ZNF385D: variants seen among roughly 807,000 people sequenced by gnomAD.
ZNF385D encodes zinc finger protein 385D.
Under a neutral mutation model 35.8 loss-of-function variants are expected in ZNF385D, and 15 were observed. That is an observed-to-expected ratio of 0.42 (90% CI 0.28 to 0.64). The LOEUF (loss-of-function observed/expected upper bound fraction) is 0.64, where lower values mean the gene tolerates loss of function less well. Among genes scored for constraint, ZNF385D ranks in the 30% least tolerant of loss-of-function variants. ZNF385D has a pLI of 0.23. For missense variants in ZNF385D, 474 were observed against 494.6 expected (o/e 0.96, Z 0.39); for synonymous variants, 212 against 186.8 (o/e 1.13, Z -1.10).
intron 3 of ZNF385D, among the ~76,000 whole-genome samples, chr3:22,032,628 G>C (rs1387661620): frequency 6.6e-6 from 1 of 152,094 alleles, no homozygotes; most frequent in African/African-American, 2.4e-5. Context: ...TTAGCGCTAA[G>C]GTTAACATAG....
At chr3:22,164,076 G>T (rs570718560) in intron 3 of ZNF385D, among the ~76,000 whole-genome samples, 8 of 152,226 alleles carry the variant, frequency 5.3e-5, no homozygotes, top group Admixed American at 2.0e-4. Context: ...GGATATGGGG[G>T]ATAGGTAAAA....
At chr3:21,739,338 C>A (rs988361829) in intron 1 of ZNF385D, among the ~76,000 whole-genome samples, 11 of 152,178 alleles carry the variant, frequency 7.2e-5, no homozygotes, top group African/African-American at 2.7e-4. Context: ...TCTCCACGGA[C>A]ATTTTTAATG....
chr3:22,305,382 G>A (rs983712215), intron 2 of ZNF385D, among the ~76,000 whole-genome samples: 10 of 151,914 alleles, frequency 6.6e-5, no homozygotes, highest in African/African-American at 2.4e-4. Context: ...TAGTTCTTGG[G>A]ATTACTAACT....
intron 3 of ZNF385D, among the ~76,000 whole-genome samples, chr3:22,077,484 G>A (rs1288460179): frequency 6.6e-6 from 1 of 151,862 alleles, no homozygotes; most frequent in Non-Finnish European, 1.5e-5. Flanking sequence ...ACTAAAATAG[G>A]CAAGATTTCT....
At chr3:22,145,707 C>T (rs993894986) in intron 3 of ZNF385D, among the ~76,000 whole-genome samples, 4 of 152,084 alleles carry the variant, frequency 2.6e-5, no homozygotes, top group Non-Finnish European at 4.4e-5. Flanking sequence ...CTAATCAGTA[C>T]ATTGATAAGA....
chr3:22,154,184 T>C (rs1041877878), intron 3 of ZNF385D, among the ~76,000 whole-genome samples: 2 of 152,178 alleles, frequency 1.3e-5, no homozygotes, highest in East Asian at 3.9e-4. Context: ...GCTAAGGGCA[T>C]TCTGCCCTGT....
At chr3:21,469,305 G>A (rs1703736988) in intron 4 of ZNF385D, among the ~76,000 whole-genome samples, 1 of 152,186 alleles carries the variant, frequency 6.6e-6, no homozygotes, top group Non-Finnish European at 1.5e-5. Context: ...TGGTCACATT[G>A]TGATTTCACC....
At chr3:22,028,007 C>A (rs768182604) in intron 3 of ZNF385D, among the ~76,000 whole-genome samples, 24 of 152,130 alleles carry the variant, frequency 1.6e-4, no homozygotes, top group Admixed American at 1.3e-3. Flanking sequence ...GAACTTCGAG[C>A]AGTGCACCTG....
chr3:21,953,262 C>CA (rs1559786759), intron 3 of ZNF385D, among the ~76,000 whole-genome samples: 7 of 147,328 alleles, frequency 4.8e-5, no homozygotes, highest in Non-Finnish European at 1.5e-5. Flanking sequence ...CAGAATAAAA[C>CA]TTTTTTTTTT....
chr3:21,777,972 C>G (rs1350723695), intron 3 of ZNF385D, among the ~76,000 whole-genome samples: 2 of 151,812 alleles, frequency 1.3e-5, no homozygotes, highest in African/African-American at 2.4e-5. Flanking sequence ...AAGCCTTGAT[C>G]AAACAGACCC....
intron 2 of ZNF385D, among the ~76,000 whole-genome samples, chr3:22,368,158 T>G (rs193180726): frequency 1.3e-5 from 2 of 152,282 alleles, no homozygotes; most frequent in Admixed American, 1.3e-4. Context: ...TAAACACATG[T>G]TAGGATGACA....
At chr3:21,757,317 AT>A (rs1158658401) in intron 3 of ZNF385D, among the ~76,000 whole-genome samples, 1 of 151,726 alleles carries the variant, frequency 6.6e-6, no homozygotes, top group East Asian at 1.9e-4. Context: ...TAATTTTTGT[AT>A]TTTTGGTAGA....
chr3:22,180,917 T>C (rs1056818057), intron 2 of ZNF385D, among the ~76,000 whole-genome samples: 1 of 143,780 alleles, frequency 7.0e-6, no homozygotes, highest in Non-Finnish European at 1.5e-5. Flanking sequence ...TTTTGTTCTT[T>C]TTTTTTTTTT....
chr3:21,423,890 A>G (rs1700862015), intron 7 of ZNF385D, 73 bp downstream of exon 7: 1 of 1,457,674 alleles, frequency 6.9e-7, no homozygotes, highest in Non-Finnish European at 9.4e-7. Context: ...AGGTGGCAAA[A>G]TGCCAGAACA....
intron 4 of ZNF385D, among the ~76,000 whole-genome samples, chr3:21,504,223 G>A (rs1188390636): frequency 1.3e-5 from 2 of 152,082 alleles, no homozygotes; most frequent in Non-Finnish European, 2.9e-5. Context: ...GAAATGTCAA[G>A]TGTTCTTTAC....
chr3:22,013,891 T>C (rs189710421), intron 3 of ZNF385D, among the ~76,000 whole-genome samples: 8 of 152,178 alleles, frequency 5.3e-5, no homozygotes, highest in Admixed American at 4.6e-4. Flanking sequence ...CAACCTTATC[T>C]AATTAAGTAC....
intron 1 of ZNF385D, among the ~76,000 whole-genome samples, chr3:21,672,610 C>T (rs912689557): frequency 6.6e-6 from 1 of 152,104 alleles, no homozygotes; most frequent in Admixed American, 6.6e-5. Flanking sequence ...GATCTTTTCC[C>T]ATGAAGGAAA....
chr3:22,319,938 C>T (rs942029817), intron 2 of ZNF385D, among the ~76,000 whole-genome samples: 1 of 151,962 alleles, frequency 6.6e-6, no homozygotes, highest in Non-Finnish European at 1.5e-5. Context: ...CATAAAACAT[C>T]TTACTATTTA....
intron 2 of ZNF385D, among the ~76,000 whole-genome samples, chr3:22,307,843 C>T (rs1299501619): frequency 6.6e-6 from 1 of 151,556 alleles, no homozygotes; most frequent in Admixed American, 6.6e-5. Flanking sequence ...AGAAGAAACA[C>T]TGCATATCTT....
Sources: allele counts gnomAD v4.1 joint callset (sites outside exome capture counted in the v4.1 genomes callset), GRCh38; gene constraint gnomAD v4.1.1; transcripts MANE v1.5; gene names NCBI Gene and HGNC (gene_info 2026-07-23, HGNC 2026-07-21).